The following SUN1 variants were observed in gnomAD, a reference collection of about 807,000 sequenced individuals.
SUN1 encodes the protein SUN domain-containing protein 1.
A neutral mutation model predicts 103.2 loss-of-function variants in SUN1; 61 were observed. The observed-to-expected ratio is 0.59, with a 90% CI of 0.48 to 0.73. The LOEUF (loss-of-function observed/expected upper bound fraction) is 0.73. SUN1 is among the 30% of genes least tolerant of loss of function. SUN1 has a pLI of 0.00. For synonymous variants in SUN1, 490 were observed against 425.7 expected (o/e 1.15, Z -1.86); for missense variants, 1,052 against 1,034.6 (o/e 1.02, Z -0.23).
intron 5 of SUN1, among the ~76,000 whole-genome samples, chr7:848,235 G>T (rs562171814): frequency 1.3e-5 from 2 of 152,264 alleles, no homozygotes; most frequent in South Asian, 2.1e-4. Context: ...GTACCCTGGG[G>T]GTTGCTCCGC....
chr7:857,337 G>C (rs555487659), intron 12 of SUN1, among the ~76,000 whole-genome samples: 2 of 152,190 alleles, frequency 1.3e-5, no homozygotes, highest in East Asian at 1.9e-4. Flanking sequence ...TTGCTTTAAC[G>C]TGTTAATATG....
At chr7:856,325 G>A (rs1827246607) in intron 11 of SUN1, 33 bp from the exon 12 acceptor site, 3 of 1,604,728 alleles carry the variant, frequency 1.9e-6, no homozygotes, top group Non-Finnish European at 2.6e-6. Context: ...TATAACTTAT[G>A]TGTTTCAGTA....
At chr7:846,710 TA>T (rs143564569) in intron 5 of SUN1, among the ~76,000 whole-genome samples, 1,636 of 151,478 alleles carry the variant, frequency 0.011, 19 homozygotes, top group Middle Eastern at 0.027. Flanking sequence ...ACCCCATCTC[TA>T]AAAAAGCAGA....
upstream of SUN1, among the ~76,000 whole-genome samples, chr7:830,408 A>G (rs959962079): frequency 3.9e-5 from 6 of 152,216 alleles, no homozygotes; most frequent in Non-Finnish European, 8.8e-5. Context: ...CAGGGTGGGT[A>G]AGGAACCCTG....
upstream of SUN1, chr7:816,542 C>T: frequency 2.7e-6 from 1 of 370,540 alleles, no homozygotes; most frequent in Non-Finnish European, 5.2e-6. Context: ...GGGTGGCGCG[C>T]TCGGGACTGG....
At chr7:836,830 C>T (rs1803724715) in intron 1 of SUN1, among the ~76,000 whole-genome samples, 2 of 152,156 alleles carry the variant, frequency 1.3e-5, no homozygotes, top group African/African-American at 4.8e-5. Context: ...AAAGGATGGG[C>T]GCGGTCAAGG....
In SUN1 at chr7:843,469, G is replaced by A. The variant is rs370867004; in HGVS notation, c.607G>A (p.Ala203Thr). ...CAAGGACGTGCTCACGGCGCACCCC[G>A]CGGCCCCCGGGCCCGTGTCGAGAGT... Reference protein sequence around the residue: ...ERKDVLTAHPAAPGPVSRVYS... With the variant: ...ERKDVLTAHPTAPGPVSRVYS... Residue 203 changes from alanine (A) to threonine (T), a missense_variant, in exon 5 of 19, where the codon GCG becomes ACG. Physicochemically the swap from Ala to Thr is moderately conservative, Grantham distance 58 (BLOSUM62 0). Around this residue, in one of 2 missense-constraint regions of SUN1, gnomAD observed 846 missense variants for 774.5 expected, o/e 1.09. Transcript: ENST00000401592. 29 of 1,613,936 alleles carry A rather than the reference G, an allele frequency of 1.8e-5. No individual in the cohort carries two copies. In the East Asian group the frequency reaches 3.6e-4, roughly 20 times the overall value.
chr7:873,308 G>A lies in SUN1; in HGVS notation c.2335G>A (p.Val779Ile). Residue 779 changes from valine (V) to isoleucine (I), a missense_variant, in exon 19 of 19, where the codon GTT becomes ATT. Around this residue, in one of 2 missense-constraint regions of SUN1, gnomAD observed 206 missense variants for 260.1 expected, o/e 0.79. Transcript: ENST00000401592. ...GTATACCTGTCTGTATCGGTTCAGA[G>A]TTCATGGCGAACCTGTCAAGTGAAG... ...PEYTCLYRFR[V>I]HGEPVK is the part of the protein sequence containing the mutation. 1 of 1,614,156 alleles carries A rather than the reference G, an allele frequency of 6.2e-7. No individual in the cohort carries two copies.
At position 849,458 on chromosome 7, in the gene SUN1, T is replaced by C. The variant is rs1584790777; in HGVS notation, c.659-1926T>C. 1.6e-5 allele frequency: 19 copies of C among 1,220,690 alleles called. No individual in the cohort carries two copies. In the South Asian group the frequency reaches 1.9e-4, roughly 12 times the overall value. 75.6% of individuals were successfully genotyped at this position (1,220,690 alleles called of 1,614,324 possible). ...TCTGATCATGTTGACTTCATCAGGG[T>C]GCGAGAAGCACTTGAGCTTGGCGTC... On this transcript the variant is annotated intron_variant, in intron 5 of 18. Transcript: ENST00000401592.
chr7:853,003 A>G (rs1327543035), intron 9 of SUN1, 51 bp downstream of exon 9: 10 of 1,565,926 alleles, frequency 6.4e-6, no homozygotes, highest in Non-Finnish European at 8.6e-6. Flanking sequence ...TGAGGTCTTC[A>G]GGGACGTTCC....
intron 12 of SUN1, 100 bp downstream of exon 12, chr7:856,501 C>A: frequency 2.2e-6 from 3 of 1,382,542 alleles, no homozygotes; most frequent in Non-Finnish European, 3.1e-6. Flanking sequence ...GGGCCGGCCT[C>A]CCCCGAGGGT....
chr7:825,121 C>T (rs1052564655), intron 1 of SUN1, among the ~76,000 whole-genome samples: 3 of 151,908 alleles, frequency 2.0e-5, no homozygotes, highest in South Asian at 4.2e-4. Context: ...TGCAGTGGCA[C>T]GATCTCAGCT....
At chr7:843,705 T>C (rs1812390407) in intron 5 of SUN1, 185 bp downstream of exon 5, 1 of 1,438,398 alleles carries the variant, frequency 7.0e-7, no homozygotes, top group East Asian at 2.6e-5. Flanking sequence ...TTTTATGTGG[T>C]TAGTAATTTT....
At chr7:860,089 T>A in intron 13 of SUN1, 39 bp from the exon 14 acceptor site, 1 of 1,606,220 alleles carries the variant, frequency 6.2e-7, no homozygotes, top group Non-Finnish European at 8.5e-7. Context: ...AGTGATTTAG[T>A]TAAAATAGGA....
At chr7:848,473 A>G (rs759040593) in intron 5 of SUN1, 2 of 1,364,540 alleles carry the variant, frequency 1.5e-6, no homozygotes, top group Non-Finnish European at 2.0e-6. Context: ...ACACTGCATC[A>G]TCTTTTTCAT....
At chr7:841,096 G>A (rs1809298123) in intron 2 of SUN1, among the ~76,000 whole-genome samples, 1 of 151,896 alleles carries the variant, frequency 6.6e-6, no homozygotes, top group African/African-American at 2.4e-5. Flanking sequence ...ACCATGCCCA[G>A]CTAATTTTGT....
intron 5 of SUN1, chr7:848,287 C>G (rs941017423): frequency 3.7e-6 from 3 of 812,210 alleles, no homozygotes; most frequent in Admixed American, 6.2e-5. Context: ...CAGCTGGGCT[C>G]TTCCCCAAGT....
chr7:827,531 G>A (rs1458331481), upstream of SUN1, among the ~76,000 whole-genome samples: 2 of 148,636 alleles, frequency 1.3e-5, no homozygotes, highest in East Asian at 2.0e-4. Flanking sequence ...GTGCAGTGGC[G>A]CAATCTCGGC....
chr7:863,965 C>G (rs1834254580), intron 15 of SUN1, among the ~76,000 whole-genome samples: 3 of 152,104 alleles, frequency 2.0e-5, no homozygotes, highest in African/African-American at 4.8e-5. Flanking sequence ...GTAGGAGGTT[C>G]TTTGTATATG....
Sources: gnomAD v4.1 joint callset for allele counts (sites outside exome capture counted in the v4.1 genomes callset) on GRCh38, gnomAD v4.1.1 for gene constraint, gnomAD v4.1.1 regional missense constraint, MANE v1.5 for transcripts, NCBI Gene and HGNC (gene_info 2026-07-23, HGNC 2026-07-21) for gene names.